The following COPG2 variants were observed in gnomAD, a reference collection of about 807,000 sequenced individuals.
COPG2 encodes coat protein complex I subunit gamma 2, also known as coatomer subunit gamma-2.
In COPG2, 37 loss-of-function variants were observed where a neutral mutation model predicts 46.3. That is an observed-to-expected ratio of 0.80 (90% confidence interval 0.61 to 1.05). COPG2 has a LOEUF of 1.05. COPG2 is among the 50% of genes least tolerant of loss of function. COPG2 has a pLI of 0.00. For missense variants in COPG2, 427 were observed against 387.8 expected, an observed-to-expected ratio of 1.10 and a Z score of -0.85; for synonymous variants, 159 against 129.7, an observed-to-expected ratio of 1.23 and a Z score of -1.53.
chr7:130,665,571 C>A (rs782819849), intron 3 of COPG2, among the ~76,000 whole-genome samples: 2 of 152,078 alleles, frequency 1.3e-5, no homozygotes, highest in Non-Finnish European at 2.9e-5. Flanking sequence ...TTACACAGCA[C>A]TAACATTGCA....
chr7:130,652,567 A>G (rs1344866050), intron 5 of COPG2, among the ~76,000 whole-genome samples: 1 of 152,044 alleles, frequency 6.6e-6, no homozygotes, highest in African/African-American at 2.4e-5. Flanking sequence ...CTAGCCTTTG[A>G]TGTATTTGTT....
chr7:130,639,212 G>C (rs1292988430), intron 5 of COPG2, among the ~76,000 whole-genome samples: 1 of 152,172 alleles, frequency 6.6e-6, no homozygotes, highest in Non-Finnish European at 1.5e-5. Flanking sequence ...CTGAGCTAAT[G>C]AATCTTTTTA....
chr7:130,535,651 ATGGGGTTTGGGG>A (rs1321160974), intron 20 of COPG2, among the ~76,000 whole-genome samples: 11 of 55,266 alleles, frequency 2.0e-4, no homozygotes, highest in African/African-American at 7.0e-4. Context: ...GGTGGAGGGG[ATGGGGTTTGGGG>A]TGGGGTTTGG....
intron 9 of COPG2, among the ~76,000 whole-genome samples, chr7:130,585,918 T>A (rs1794256484): frequency 1.3e-5 from 2 of 152,026 alleles, no homozygotes; most frequent in Non-Finnish European, 2.9e-5. Context: ...GGAGATTCCT[T>A]AAAGAACTAA....
At chr7:130,646,936 T>G (rs1036170153) in intron 5 of COPG2, among the ~76,000 whole-genome samples, 9 of 137,594 alleles carry the variant, frequency 6.5e-5, no homozygotes, top group Non-Finnish European at 6.0e-5. Flanking sequence ...TGTGTATATA[T>G]ATATACGTAT....
chr7:130,510,232 T>C (rs1554440855), intron 20 of COPG2: 3 of 519,756 alleles, frequency 5.8e-6, no homozygotes, highest in East Asian at 5.5e-5. Context: ...AAACAGACGA[T>C]GGCAGTGGGT....
intron 20 of COPG2, among the ~76,000 whole-genome samples, chr7:130,540,516 G>A (rs1055411713): frequency 6.6e-6 from 1 of 152,084 alleles, no homozygotes; most frequent in East Asian, 1.9e-4. Context: ...AGGACAAGAC[G>A]TATCGGGTGG....
chr7:130,543,454 G>A (rs1191715164), intron 20 of COPG2, among the ~76,000 whole-genome samples: 3 of 152,178 alleles, frequency 2.0e-5, no homozygotes, highest in Non-Finnish European at 2.9e-5. Flanking sequence ...CTTGATGAAT[G>A]CTTAGAGTCA....
chr7:130,601,040 G>A (rs1246167507), intron 9 of COPG2, among the ~76,000 whole-genome samples: 1 of 152,196 alleles, frequency 6.6e-6, no homozygotes, highest in East Asian at 1.9e-4. Flanking sequence ...CAGCTGCCAT[G>A]CTGTGAGAAC....
At chr7:130,523,002 C>A (rs941587002) in intron 20 of COPG2, among the ~76,000 whole-genome samples, 3 of 149,318 alleles carry the variant, frequency 2.0e-5, no homozygotes, top group Admixed American at 6.8e-5. Flanking sequence ...GCCTGTAATC[C>A]CAGCTACTTG....
chr7:130,665,835 C>CA (rs199850330), intron 3 of COPG2, among the ~76,000 whole-genome samples: 236 of 74,132 alleles, frequency 3.2e-3, no homozygotes, highest in Middle Eastern at 0.017. Flanking sequence ...AAGTCTGGGG[C>CA]AAAAAAAAAA....
chr7:130,642,037 C>T (rs2116204393), intron 5 of COPG2, among the ~76,000 whole-genome samples: 1 of 152,316 alleles, frequency 6.6e-6, no homozygotes, highest in Non-Finnish European at 1.5e-5. Flanking sequence ...TGGATCATTC[C>T]TCAGGACTCA....
At chr7:130,539,662 G>C (rs1799917077) in intron 20 of COPG2, among the ~76,000 whole-genome samples, 1 of 152,168 alleles carries the variant, frequency 6.6e-6, no homozygotes, top group African/African-American at 2.4e-5. Context: ...AAGGGGAAAG[G>C]CTTCAAGAAA....
intron 5 of COPG2, among the ~76,000 whole-genome samples, chr7:130,638,947 G>A (rs1052418452): frequency 1.3e-4 from 20 of 152,170 alleles, no homozygotes; most frequent in Admixed American, 1.3e-3. Flanking sequence ...ATTCCTCAAG[G>A]TGCAGTCCCT....
chr7:130,653,751 A>G (rs578003222), intron 4 of COPG2, among the ~76,000 whole-genome samples: 147 of 152,298 alleles, frequency 9.7e-4, no homozygotes, highest in African/African-American at 3.2e-3. Flanking sequence ...AATACATCAG[A>G]CGCAGCTCCA....
intron 9 of COPG2, among the ~76,000 whole-genome samples, chr7:130,578,778 C>G (rs1167833571): frequency 3.3e-5 from 5 of 150,914 alleles, no homozygotes; most frequent in Non-Finnish European, 5.9e-5. Context: ...TGAAATGAAG[C>G]GAGAAGGGAA....
intron 9 of COPG2, among the ~76,000 whole-genome samples, chr7:130,606,324 GAGAAAGAAGGA>G (rs1230404026): frequency 5.3e-5 from 8 of 151,724 alleles, no homozygotes; most frequent in African/African-American, 1.7e-4. Context: ...AGAAAAGAAA[GAGAAAGAAGGA>G]AGGAAGAAGG....
intron 9 of COPG2, among the ~76,000 whole-genome samples, chr7:130,578,792 T>G (rs1479738188): frequency 1.3e-5 from 2 of 150,318 alleles, no homozygotes; most frequent in Admixed American, 6.6e-5. Flanking sequence ...AAGGGAAGTT[T>G]AGAGAAAAAA....
At chr7:130,583,282 G>C (rs1437662389) in intron 9 of COPG2, among the ~76,000 whole-genome samples, 2 of 149,034 alleles carry the variant, frequency 1.3e-5, no homozygotes, top group Non-Finnish European at 3.0e-5. Context: ...TCACTCATAG[G>C]TGGGAATTGA....
Sources: gnomAD v4.1 joint callset for allele counts (sites outside exome capture counted in the v4.1 genomes callset) on GRCh38, gnomAD v4.1.1 for gene constraint, MANE v1.5 for transcripts, NCBI Gene and HGNC (gene_info 2026-07-23, HGNC 2026-07-21) for gene names.